Variants in HMBOX1 observed in about 807,000 individuals in gnomAD.
HMBOX1 encodes homeobox-containing protein 1.
Under a neutral mutation model 54.5 loss-of-function variants are expected in HMBOX1, and 14 were observed. That is an observed-to-expected ratio of 0.26 (90% CI 0.17 to 0.40). The LOEUF is 0.40. Among genes scored for constraint, HMBOX1 ranks in the 10% least tolerant of loss-of-function variants. The probability of loss-of-function intolerance (pLI) is 1.00; values close to 1 mark genes in which losing one functional copy is unlikely to be tolerated. For synonymous variants in HMBOX1, 160 were observed against 181.0 expected (o/e 0.88, Z 0.93); for missense variants, 332 against 514.4 (o/e 0.65, Z 3.43).
At chr8:29,008,691 T>C (rs1161488151) in intron 4 of HMBOX1, among the ~76,000 whole-genome samples, 1 of 152,162 alleles carries the variant, frequency 6.6e-6, no homozygotes, top group Non-Finnish European at 1.5e-5. Flanking sequence ...CTTTTAAAAG[T>C]TTTATTATTC....
At chr8:28,900,788 G>GT (rs992829629) in intron 1 of HMBOX1, among the ~76,000 whole-genome samples, 26 of 151,678 alleles carry the variant, frequency 1.7e-4, no homozygotes, top group Admixed American at 7.2e-4. Context: ...TGGTAAGCGA[G>GT]TTTTTTTTGT....
intron 8 of HMBOX1, 80 bp downstream of exon 8, chr8:29,047,533 G>T: frequency 1.4e-5 from 9 of 657,316 alleles, no homozygotes; most frequent in Non-Finnish European, 2.2e-5. Flanking sequence ...CTTCAGTTTA[G>T]AAACTGCAAG....
intron 4 of HMBOX1, among the ~76,000 whole-genome samples, chr8:28,994,636 TTTAAGCATATATCCAG>T (rs1831517740): frequency 6.6e-6 from 1 of 152,144 alleles, no homozygotes; most frequent in South Asian, 2.1e-4. Flanking sequence ...GCATAAAAAT[TTTAAGCATATATCCAG>T]TAAAAGATAC....
chr8:28,978,757 A>G (rs1272601189), intron 3 of HMBOX1, among the ~76,000 whole-genome samples: 13 of 138,498 alleles, frequency 9.4e-5, no homozygotes, highest in African/African-American at 3.6e-4. Context: ...ACTGCACTCC[A>G]GCCCGAGCAA....
chr8:28,924,352 G>GC (rs1251441089), intron 1 of HMBOX1, among the ~76,000 whole-genome samples: 1 of 151,602 alleles, frequency 6.6e-6, no homozygotes, highest in African/African-American at 2.4e-5. Flanking sequence ...CTCGTGATCT[G>GC]CCCCCTCGGC....
rs1020605273 is a variant in HMBOX1 at position 28,952,604 on chromosome 8, GA to G, written c.-57-11197del. Among the ~76,000 whole-genome samples, 103 of 150,062 alleles carry G rather than the reference GA, an allele frequency of 6.9e-4. 1 individual carries two copies. Among genetic ancestry groups the G allele is most frequent in the African/African-American group, 2.3e-3 (94 of 40,994 alleles). On this transcript the variant is annotated intron_variant, in intron 1 of 9. Coordinates refer to ENST00000287701, the MANE Select transcript of HMBOX1 (RefSeq NM_001135726.3). ...TGATTTTTAAAAAGGCTGACTTGTG[GA>G]AAAAAAAAATTTAATCTTTATCAGT...
At chr8:29,035,220 A>G (rs1803658458) in intron 6 of HMBOX1, among the ~76,000 whole-genome samples, 1 of 152,196 alleles carries the variant, frequency 6.6e-6, no homozygotes, top group African/African-American at 2.4e-5. Context: ...TTGCAGAAGC[A>G]TAGTATTGAT....
intron 2 of HMBOX1, among the ~76,000 whole-genome samples, chr8:28,968,896 G>A (rs1446645739): frequency 1.3e-5 from 2 of 152,160 alleles, no homozygotes; most frequent in Non-Finnish European, 2.9e-5. Context: ...ATTCAAGGCC[G>A]AGCATGGTGG....
At chr8:28,908,572 T>A (rs1814781009) in intron 1 of HMBOX1, among the ~76,000 whole-genome samples, 1 of 152,122 alleles carries the variant, frequency 6.6e-6, no homozygotes, top group Non-Finnish European at 1.5e-5. Context: ...CTGACCAACA[T>A]GGCCAAACCC....
intron 1 of HMBOX1, among the ~76,000 whole-genome samples, chr8:28,927,316 T>C (rs1032318251): frequency 2.0e-4 from 30 of 152,130 alleles, no homozygotes; most frequent in African/African-American, 7.0e-4. Flanking sequence ...AATAGTAAAC[T>C]TATCACTTTT....
chr8:28,924,826 G>A (rs1001672837), intron 1 of HMBOX1: 2 of 151,776 alleles, frequency 1.3e-5, no homozygotes, highest in Non-Finnish European at 2.9e-5. Context: ...TGGTCAGGCT[G>A]GTCTCAAACT....
intron 1 of HMBOX1, among the ~76,000 whole-genome samples, chr8:28,939,940 T>G (rs2132005945): frequency 6.6e-6 from 1 of 152,358 alleles, no homozygotes; most frequent in Non-Finnish European, 1.5e-5. Flanking sequence ...GTAGGTCTTT[T>G]ACGCATGATG....
chr8:28,947,865 A>G (rs1425707894), intron 1 of HMBOX1, among the ~76,000 whole-genome samples: 3 of 152,132 alleles, frequency 2.0e-5, no homozygotes, highest in African/African-American at 7.2e-5. Context: ...ATAGGCTGTG[A>G]GATCTTGATC....
At chr8:28,979,623 C>T (rs921264532) in intron 3 of HMBOX1, among the ~76,000 whole-genome samples, 5 of 152,144 alleles carry the variant, frequency 3.3e-5, no homozygotes, top group Admixed American at 2.0e-4. Flanking sequence ...TTTAAATGAA[C>T]ATTATTCATG....
At chr8:28,968,235 A>G (rs1044761754) in intron 2 of HMBOX1, among the ~76,000 whole-genome samples, 1 of 152,216 alleles carries the variant, frequency 6.6e-6, no homozygotes, top group Non-Finnish European at 1.5e-5. Context: ...AAAATTCTAG[A>G]TGGAGCAAGG....
chr8:28,908,884 A>C (rs1023960846), intron 1 of HMBOX1, among the ~76,000 whole-genome samples: 2 of 152,130 alleles, frequency 1.3e-5, no homozygotes, highest in Admixed American at 1.3e-4. Context: ...GCTTGAAGCC[A>C]GGAGTTTGAG....
At chr8:28,902,386 C>T (rs1369374223) in intron 1 of HMBOX1, among the ~76,000 whole-genome samples, 2 of 152,066 alleles carry the variant, frequency 1.3e-5, no homozygotes, top group Non-Finnish European at 2.9e-5. Flanking sequence ...CTTATTTAGC[C>T]AACAATGAGT....
intron 1 of HMBOX1, among the ~76,000 whole-genome samples, chr8:28,931,985 T>C (rs1405934239): frequency 6.6e-6 from 1 of 152,194 alleles, no homozygotes; most frequent in Non-Finnish European, 1.5e-5. Context: ...ATATAATAAA[T>C]AATTTTAGAT....
intron 1 of HMBOX1, among the ~76,000 whole-genome samples, chr8:28,938,752 G>C (rs899565011): frequency 1.3e-5 from 2 of 149,582 alleles, no homozygotes; most frequent in East Asian, 2.0e-4. Flanking sequence ...CCTGGCCAGG[G>C]GTATCTTTTC....
Sources: gnomAD v4.1 joint callset for allele counts (sites outside exome capture counted in the v4.1 genomes callset) on GRCh38, gnomAD v4.1.1 for gene constraint, MANE v1.5 for transcripts, NCBI Gene and HGNC (gene_info 2026-07-23, HGNC 2026-07-21) for gene names.